Variants in STON2 observed in about 807,000 individuals in gnomAD.
STON2 encodes stonin 2, also known as stonin-2.
Under a neutral mutation model 65.7 loss-of-function variants are expected in STON2, and 29 were observed. The ratio of observed to expected loss-of-function variants is 0.44; its 90% CI spans 0.33 to 0.60. STON2 has a LOEUF of 0.60. STON2 is among the 20% of genes least tolerant of loss of function. The pLI, the probability that STON2 is intolerant of heterozygous loss-of-function variation, is 0.03. For synonymous variants in STON2, 404 were observed against 414.2 expected, an observed-to-expected ratio of 0.98 and a Z score of 0.30; for missense variants, 1,054 against 1,118.1, an observed-to-expected ratio of 0.94 and a Z score of 0.82.
At chr14:81,414,706 G>A (rs1359077387) in intron 2 of STON2, among the ~76,000 whole-genome samples, 1 of 152,028 alleles carries the variant, frequency 6.6e-6, no homozygotes, top group Non-Finnish European at 1.5e-5. Context: ...CTGCCACTCG[G>A]GGAGGAGAAG....
chr14:81,384,017 G>A (rs1372688443), intron 3 of STON2, among the ~76,000 whole-genome samples: 5 of 151,900 alleles, frequency 3.3e-5, no homozygotes, highest in Non-Finnish European at 5.9e-5. Flanking sequence ...GCCCCTCAAG[G>A]GCTATTCACT....
chr14:81,282,453 AT>A (rs1179478072), intron 5 of STON2, among the ~76,000 whole-genome samples: 1 of 152,186 alleles, frequency 6.6e-6, no homozygotes, highest in African/African-American at 2.4e-5. Flanking sequence ...GAAATATTAA[AT>A]CCTACCAGAC....
intron 4 of STON2, among the ~76,000 whole-genome samples, chr14:81,355,635 T>G (rs906133589): frequency 6.6e-6 from 1 of 152,242 alleles, no homozygotes; most frequent in African/African-American, 2.4e-5. Flanking sequence ...TTATAGGTAC[T>G]GATAAGTGAA....
At chr14:81,385,344 C>T (rs1899744178) in intron 3 of STON2, among the ~76,000 whole-genome samples, 1 of 152,160 alleles carries the variant, frequency 6.6e-6, no homozygotes, top group Non-Finnish European at 1.5e-5. Flanking sequence ...CTTTTAAATA[C>T]AACAAAACTA....
chr14:81,273,799 G>T (rs1190081822), intron 6 of STON2, among the ~76,000 whole-genome samples: 1 of 152,174 alleles, frequency 6.6e-6, no homozygotes, highest in Non-Finnish European at 1.5e-5. Flanking sequence ...TGACTGCCCT[G>T]CCCACTGGGG....
At chr14:81,429,425 T>C (rs566840353) in intron 1 of STON2, among the ~76,000 whole-genome samples, 7 of 152,384 alleles carry the variant, frequency 4.6e-5, no homozygotes, top group South Asian at 2.1e-4. Context: ...TTTATTTATA[T>C]AGACGTTTGA....
chr14:81,327,552 G>C (rs1415467876), intron 4 of STON2, among the ~76,000 whole-genome samples: 1 of 152,004 alleles, frequency 6.6e-6, no homozygotes, highest in Non-Finnish European at 1.5e-5. Flanking sequence ...GATAAGTTCT[G>C]GTATTTGTGC....
At chr14:81,333,067 T>A (rs2140272847) in intron 4 of STON2, 1 of 745,038 alleles carries the variant, frequency 1.3e-6, no homozygotes, top group Admixed American at 2.0e-5. Context: ...TTTCTTCTCA[T>A]ACAGACCATG....
chr14:81,298,418 G>GA (rs200367475), intron 5 of STON2, among the ~76,000 whole-genome samples: 4 of 55,418 alleles, frequency 7.2e-5, no homozygotes, highest in Non-Finnish European at 1.7e-4. Flanking sequence ...TTCAGATGGG[G>GA]GGGGGGAATC....
chr14:81,424,728 A>G (rs1046293656), intron 2 of STON2, among the ~76,000 whole-genome samples: 2 of 152,138 alleles, frequency 1.3e-5, no homozygotes, highest in African/African-American at 2.4e-5. Context: ...GTGGCTAAGA[A>G]TTATGTATTC....
chr14:81,363,403 C>T (rs187959446), intron 4 of STON2, among the ~76,000 whole-genome samples: 2 of 152,190 alleles, frequency 1.3e-5, no homozygotes, highest in African/African-American at 4.8e-5. Flanking sequence ...GCTTACTTTT[C>T]TTTGTATTCT....
At chr14:81,377,576 T>C (rs1271095800) in intron 3 of STON2, among the ~76,000 whole-genome samples, 2 of 152,210 alleles carry the variant, frequency 1.3e-5, no homozygotes, top group Non-Finnish European at 2.9e-5. Flanking sequence ...TTTAGTTTTA[T>C]AAGAAACCAC....
chr14:81,393,757 C>T (rs1014097652), intron 3 of STON2, among the ~76,000 whole-genome samples: 1 of 152,150 alleles, frequency 6.6e-6, no homozygotes, highest in Non-Finnish European at 1.5e-5. Flanking sequence ...CCCAGTGTTC[C>T]GTAACTTTTC....
intron 5 of STON2, among the ~76,000 whole-genome samples, chr14:81,295,058 C>T (rs1265728130): frequency 6.6e-6 from 1 of 152,184 alleles, no homozygotes; most frequent in African/African-American, 2.4e-5. Flanking sequence ...GGCACGGTGG[C>T]TCATGCCTGT....
intron 5 of STON2, among the ~76,000 whole-genome samples, chr14:81,287,510 T>G (rs2140146098): frequency 6.6e-6 from 1 of 152,318 alleles, no homozygotes; most frequent in East Asian, 1.9e-4. Context: ...GAAGCAGTAC[T>G]GCGCACCTTC....
intron 3 of STON2, among the ~76,000 whole-genome samples, chr14:81,387,662 G>A (rs894056207): frequency 6.6e-6 from 1 of 151,940 alleles, no homozygotes; most frequent in African/African-American, 2.4e-5. Context: ...GCTGAGGTGG[G>A]TGGATCACCC....
At chr14:81,393,223 T>C (rs1900160527) in intron 3 of STON2, among the ~76,000 whole-genome samples, 1 of 152,152 alleles carries the variant, frequency 6.6e-6, no homozygotes, top group African/African-American at 2.4e-5. Flanking sequence ...TTTTGAGCAA[T>C]CAGGAAATCT....
At chr14:81,301,754 CA>C (rs1466992843) in intron 5 of STON2, among the ~76,000 whole-genome samples, 2 of 152,172 alleles carry the variant, frequency 1.3e-5, no homozygotes, top group East Asian at 3.9e-4. Context: ...GGAAAAAATA[CA>C]TGTAAAGAAC....
intron 4 of STON2, among the ~76,000 whole-genome samples, chr14:81,357,795 A>G (rs1438596871): frequency 6.6e-6 from 1 of 150,960 alleles, no homozygotes; most frequent in Non-Finnish European, 1.5e-5. Flanking sequence ...AGAACAAAAA[A>G]CCAAACACCG....
Sources: allele counts gnomAD v4.1 joint callset (sites outside exome capture counted in the v4.1 genomes callset), GRCh38; gene constraint gnomAD v4.1.1; transcripts MANE v1.5; gene names NCBI Gene and HGNC (gene_info 2026-07-23, HGNC 2026-07-21).